BAZ1B: variants seen among roughly 807,000 people sequenced by gnomAD.
BAZ1B encodes bromodomain adjacent to zinc finger domain 1B, also known as tyrosine-protein kinase BAZ1B.
BAZ1B carries 22 observed loss-of-function variants against 153.8 expected under a neutral mutation model. The ratio of observed to expected loss-of-function variants is 0.14; its 90% CI spans 0.10 to 0.20. BAZ1B has a LOEUF of 0.20. BAZ1B is among the 10% of genes least tolerant of loss of function. BAZ1B has a pLI of 1.00. For missense variants in BAZ1B, 1,325 were observed against 1,799.3 expected (o/e 0.74, Z 4.77); for synonymous variants, 676 against 633.4 (o/e 1.07, Z -1.01).
At position 73,493,528 on chromosome 7, in the gene BAZ1B, T is replaced by C. The variant is rs532971003; in HGVS notation, c.572-607A>G. ...GGAATACCTAACTTAGTCTGGAAGG[T>C]AGGTAGAAAGATGAGTAAGAATATG... On this transcript the variant is annotated intron_variant, in intron 4 of 19. Coordinates refer to ENST00000339594, the MANE Select transcript of BAZ1B (RefSeq NM_032408.4). Among the ~76,000 whole-genome samples, 9 of 150,314 alleles carry C rather than the reference T, an allele frequency of 6.0e-5. No individual in the cohort carries two copies. The South Asian group carries it at 1.9e-3, about 32-fold the overall frequency.
intron 11 of BAZ1B, chr7:73,464,147 T>C (rs1583900467): frequency 1.0e-6 from 1 of 985,032 alleles, no homozygotes; most frequent in East Asian, 1.1e-4. Context: ...AGTCTGGCAA[T>C]GGTGTAGAGT....
In BAZ1B at chr7:73,442,296, C is replaced by T. The variant is rs781779989; in HGVS notation, c.4352G>A (p.Arg1451His). ...HKHLPGHPYV[R>H]RKRKKFPDRL... ...ATCAGGAAACTTCTTGCGCTTCCTG[C>T]GGACATATGGGTGGCCAGGAAGGTG... Residue 1451 changes from arginine to histidine, a missense_variant, in exon 19 of 20, where the codon CGC becomes CAC. Around this residue, in one of 9 missense-constraint regions of BAZ1B, gnomAD observed 271 missense variants for 337.2 expected, o/e 0.80. Coordinates refer to ENST00000339594, the MANE Select transcript of BAZ1B (RefSeq NM_032408.4). 3 of 1,614,152 alleles carry T rather than the reference C, an allele frequency of 1.9e-6. No individual in the cohort carries two copies. The highest frequency in any genetic ancestry group is 1.6e-4 in the Middle Eastern group (1 of 6,062).
At chr7:73,486,664 T>C (rs1554574527) in intron 6 of BAZ1B, among the ~76,000 whole-genome samples, 1 of 152,166 alleles carries the variant, frequency 6.6e-6, no homozygotes, top group African/African-American at 2.4e-5. Context: ...TCTTTACACC[T>C]GGTCTCACTC....
At position 73,507,991 on chromosome 7, in the gene BAZ1B, C is replaced by T. The variant is rs62465159; in HGVS notation, c.369+336G>A. 4.9e-3 allele frequency among the ~76,000 whole-genome samples: 742 copies of T among 151,860 alleles called. 2 individuals carry two copies. The highest frequency in any genetic ancestry group is 7.5e-3 in the Non-Finnish European group (512 of 67,966). On this transcript the variant is annotated intron_variant, in intron 3 of 19. Transcript: ENST00000339594. ...CCAAAATGGTGAAACCCTGTCTCTA[C>T]CAAAAATACAAAAAACTAGCCGGGC...
At chr7:73,518,107 TG>T (rs1790884501) in intron 1 of BAZ1B, among the ~76,000 whole-genome samples, 1 of 152,060 alleles carries the variant, frequency 6.6e-6, no homozygotes, top group African/African-American at 2.4e-5. Flanking sequence ...CTTTAAAGAA[TG>T]TATAAAAATC....
intron 6 of BAZ1B, among the ~76,000 whole-genome samples, chr7:73,487,018 T>C (rs1280592577): frequency 6.6e-6 from 1 of 152,174 alleles, no homozygotes; most frequent in Admixed American, 6.5e-5. Context: ...AAACAAATAA[T>C]AAACCTGAGT....
chr7:73,452,829 C>A (rs560998922), intron 13 of BAZ1B, among the ~76,000 whole-genome samples: 1 of 151,742 alleles, frequency 6.6e-6, no homozygotes, highest in East Asian at 1.9e-4. Context: ...GTAAGTCAAA[C>A]AATGGGTTTA....
rs782373466 is a variant in BAZ1B, at chr7:73,477,323, T to G, written c.2138A>C (p.Asn713Thr). 3 of 1,614,156 alleles carry G rather than the reference T, an allele frequency of 1.9e-6. No individual in the cohort carries two copies. Among genetic ancestry groups the G allele is most frequent in the Non-Finnish European group, 2.5e-6 (3 of 1,180,062 alleles). Reference sequence around the variant, plus strand: ...ATCCTCAAATGCAGCTGAATCTTTATTGTCATCTGTGTCTGAGCCCTCGCT... The same window carrying G: ...ATCCTCAAATGCAGCTGAATCTTTAGTGTCATCTGTGTCTGAGCCCTCGCT... ...EESEGSDTDDNKDSAAFEDNE... is the reference protein window; with the variant it reads ...EESEGSDTDDTKDSAAFEDNE... Residue 713 changes from asparagine (N) to threonine (T), a missense_variant, in exon 7 of 20, where the codon AAT becomes ACT. Coordinates refer to ENST00000339594, the MANE Select transcript of BAZ1B (RefSeq NM_032408.4). This position sits in a 1 kb window ranked among gnomAD's most constrained non-coding sequence, Gnocchi z 5.6.
In BAZ1B at chr7:73,488,724, A is replaced by C. The variant is rs137914022; in HGVS notation, c.891+470T>G. Among the ~76,000 whole-genome samples, 148 of 151,848 alleles carry C rather than the reference A, an allele frequency of 9.7e-4. 5 individuals are homozygous for C. The East Asian group carries it at 0.021, about 22-fold the overall frequency. The stretch of plus-strand genomic sequence containing the variant: ...AGCGAGACTCCAACTCAAAAAAAAA[A>C]AAAAAACAAAAAAAACTTACTCTTC... On this transcript the variant is annotated intron_variant, in intron 6 of 19. Coordinates refer to ENST00000339594, the MANE Select transcript of BAZ1B (RefSeq NM_032408.4).
chr7:73,511,271 CTAAAAAAAA>C (rs1364320139), intron 1 of BAZ1B, among the ~76,000 whole-genome samples: 1 of 150,660 alleles, frequency 6.6e-6, no homozygotes, highest in African/African-American at 2.4e-5. Context: ...GTCTCAAAAA[CTAAAAAAAA>C]TAAAAAAAAA....
At chr7:73,463,263 G>A (rs779915571) in intron 11 of BAZ1B, among the ~76,000 whole-genome samples, 164 bp from the exon 12 acceptor site, 14 of 113,166 alleles carry the variant, frequency 1.2e-4, no homozygotes, top group South Asian at 2.8e-4. Context: ...TTTTTCCCCC[G>A]AGACAGGGTC....
chr7:73,446,150 C>G (rs782125043), intron 16 of BAZ1B, among the ~76,000 whole-genome samples: 1 of 152,192 alleles, frequency 6.6e-6, no homozygotes, highest in Non-Finnish European at 1.5e-5. Context: ...CAGTAAGAGA[C>G]TAGTCATGCC....
At chr7:73,455,314 G>C (rs781881484) in intron 13 of BAZ1B, among the ~76,000 whole-genome samples, 2 of 152,106 alleles carry the variant, frequency 1.3e-5, no homozygotes, top group African/African-American at 4.8e-5. Flanking sequence ...TCTAAAATTA[G>C]GGACAATATT....
chr7:73,512,685 G>T (rs1487896422), intron 1 of BAZ1B, among the ~76,000 whole-genome samples: 1 of 152,214 alleles, frequency 6.6e-6, no homozygotes, highest in African/African-American at 2.4e-5. Flanking sequence ...CACAGCAACA[G>T]ATGCTATGTA....
At chr7:73,499,104 C>T (rs528489420) in intron 3 of BAZ1B, among the ~76,000 whole-genome samples, 268 of 152,242 alleles carry the variant, frequency 1.8e-3, no homozygotes, top group African/African-American at 6.2e-3. Flanking sequence ...CGGCTCACTG[C>T]AACCTCCGCT....
In BAZ1B at chr7:73,447,510, G is replaced by A. The variant is rs1787882672; in HGVS notation, c.3729-131C>T. 3.4e-6 allele frequency: 4 copies of A among 1,177,936 alleles called. No homozygotes were observed. The South Asian group carries it at 5.4e-5, about 16-fold the overall frequency. The allele number at this position is 1,177,936 out of a possible 1,614,324, so 73.0% of individuals were successfully genotyped here. A position where few individuals can be genotyped will look rare whatever the true frequency, so the allele number is the denominator to read the frequency against. ...TATGTATAACGTATGATAATTCAGG[G>A]AGGGAACCTGAATGTAAGCCAGGAG... On this transcript the variant is annotated intron_variant, in intron 15 of 19. Transcript: ENST00000339594.
intron 6 of BAZ1B, among the ~76,000 whole-genome samples, chr7:73,482,761 CGTAAG>C (rs1387575099): frequency 6.6e-6 from 1 of 152,100 alleles, no homozygotes; most frequent in Non-Finnish European, 1.5e-5. Flanking sequence ...CATTTTTATT[CGTAAG>C]GTGTGTTTTT....
At position 73,447,292 on chromosome 7, in the gene BAZ1B, TTCC is replaced by T. The variant is rs551016129; in HGVS notation, c.3813_3815del (p.Glu1273del). ...GCAAACCAGCCACCTCATAATCTTC[TTCC>T]TCCTCCTCCTCTTCTTCCTCCTCCT... On this transcript the variant is annotated inframe_deletion, in exon 16 of 20. Transcript: ENST00000339594. 1.2e-4 allele frequency: 199 copies of T among 1,609,012 alleles called. No homozygotes were observed. Among genetic ancestry groups the T allele is most frequent in the Middle Eastern group, 8.3e-4 (5 of 6,022 alleles).
intron 9 of BAZ1B, among the ~76,000 whole-genome samples, chr7:73,468,598 G>T (rs910534527): frequency 9.2e-5 from 14 of 152,022 alleles, no homozygotes; most frequent in African/African-American, 3.4e-4. Flanking sequence ...TTCAGTGTGT[G>T]TTTCTTTTAC....
Sources: allele counts gnomAD v4.1 joint callset (sites outside exome capture counted in the v4.1 genomes callset), GRCh38; gene constraint gnomAD v4.1.1; regional missense constraint gnomAD v4.1.1; non-coding constraint Gnocchi (gnomAD v3.1); transcripts MANE v1.5; gene names NCBI Gene and HGNC (gene_info 2026-07-23, HGNC 2026-07-21).